GABRA3: variants seen among roughly 807,000 people sequenced by gnomAD.
GABRA3 encodes the protein gamma-aminobutyric acid type A receptor subunit alpha3.
Under a neutral mutation model 30.1 loss-of-function variants are expected in GABRA3, and 10 were observed. The ratio of observed to expected loss-of-function variants is 0.33; its 90% CI spans 0.20 to 0.56. The LOEUF is 0.56. GABRA3 is among the 20% of genes least tolerant of loss of function. The probability of loss-of-function intolerance (pLI) is 0.89; values close to 1 mark genes in which losing one functional copy is unlikely to be tolerated. For synonymous variants in GABRA3, 151 were observed against 146.8 expected, an observed-to-expected ratio of 1.03 and a Z score of -0.21; for missense variants, 233 against 392.0, an observed-to-expected ratio of 0.59 and a Z score of 3.42.
intron 3 of GABRA3, among the ~76,000 whole-genome samples, chrX:152,320,970 T>C (rs1258675861): frequency 8.9e-6 from 1 of 111,765 alleles, no homozygotes; most frequent in Non-Finnish European, 1.9e-5. Context: ...AAAAAACATT[T>C]TTTTCTCTGT....
chrX:152,280,829 G>A (rs1287391878), intron 4 of GABRA3, among the ~76,000 whole-genome samples: 4 of 111,080 alleles, frequency 3.6e-5, no homozygotes, highest in Non-Finnish European at 5.7e-5. Context: ...TGGGGAGAGG[G>A]TGAGGTTAAT....
At chrX:152,296,629 C>G (rs1939532786) in intron 3 of GABRA3, among the ~76,000 whole-genome samples, 1 of 111,165 alleles carries the variant, frequency 9.0e-6, no homozygotes, top group Non-Finnish European at 1.9e-5. Flanking sequence ...CTTGCATATG[C>G]TATTCCCTCT....
chrX:152,199,604 C>T (rs886977097), intron 7 of GABRA3, among the ~76,000 whole-genome samples: 1 of 110,690 alleles, frequency 9.0e-6, no homozygotes, highest in South Asian at 3.9e-4. Flanking sequence ...ATTATAGGAG[C>T]CTTAAGATTC....
intron 1 of GABRA3, among the ~76,000 whole-genome samples, chrX:152,369,891 T>C (rs1928786975): frequency 8.9e-6 from 1 of 111,733 alleles, no homozygotes; most frequent in Admixed American, 9.5e-5. Flanking sequence ...AATGGTATTG[T>C]AACTAAGTCA....
At position 152,364,639 on chromosome X, in the gene GABRA3, T is replaced by C; in HGVS notation, c.-26-43A>G. 5.1e-6 allele frequency: 5 copies of C among 981,910 alleles called. No individual in the cohort carries two copies. The South Asian group carries it at 1.3e-4, about 25-fold the overall frequency. 80.9% of individuals were successfully genotyped at this position (981,910 alleles called of 1,213,427 possible). On this transcript the variant is annotated intron_variant, in intron 1 of 9. Coordinates refer to ENST00000370314, the MANE Select transcript of GABRA3 (RefSeq NM_000808.4). ...TAGATAAGGGATAAGAGGTAGAGAG[T>C]AGAAAACAAAGGGAGAGAGGAGAAA...
At chrX:152,182,642 CA>C (rs1937183676) in intron 9 of GABRA3, among the ~76,000 whole-genome samples, 1 of 63,057 alleles carries the variant, frequency 1.6e-5, no homozygotes, top group Non-Finnish European at 3.1e-5. Context: ...ACTATATATA[CA>C]CTATATATAC....
Position 152,179,474 on chromosome X carries a change from C to T in GABRA3, c.1143+10256G>A, listed in dbSNP as rs1036553999. ...CCAGTCCCCAGTAACCACCATTCTA[C>T]CCTCTGCTTCTGTGAGTTCAATTTT... On this transcript the variant is annotated intron_variant, in intron 9 of 9. Transcript: ENST00000370314. Among the ~76,000 whole-genome samples, 12 of 109,829 alleles carry T rather than the reference C, an allele frequency of 1.1e-4. No homozygotes were observed. The South Asian group carries it at 4.0e-3, about 36-fold the overall frequency.
intron 2 of GABRA3, among the ~76,000 whole-genome samples, chrX:152,346,910 A>C (rs992844923): frequency 8.9e-6 from 1 of 111,834 alleles, no homozygotes; most frequent in African/African-American, 3.2e-5. Context: ...AATTAGTACA[A>C]CCACTATGGA....
chrX:152,245,581 A>G, intron 5 of GABRA3, among the ~76,000 whole-genome samples: 1 of 111,832 alleles, frequency 8.9e-6, no homozygotes, highest in Admixed American at 9.5e-5. Flanking sequence ...TCAGAGGTGT[A>G]GCTCCAACCT....
At chrX:152,447,337 C>G (rs980421960) in intron 1 of GABRA3, among the ~76,000 whole-genome samples, 9 of 111,399 alleles carry the variant, frequency 8.1e-5, no homozygotes, top group Non-Finnish European at 1.5e-4. Flanking sequence ...CTCCAGCAAT[C>G]CCTTCAAAAT....
intron 3 of GABRA3, among the ~76,000 whole-genome samples, chrX:152,317,335 C>T (rs1249536080): frequency 2.7e-5 from 3 of 111,522 alleles, no homozygotes; most frequent in East Asian, 5.6e-4. Flanking sequence ...TACTACTAGA[C>T]CTAAGAAATG....
chrX:152,341,482 T>C (rs1009135794), intron 3 of GABRA3, among the ~76,000 whole-genome samples: 2 of 111,255 alleles, frequency 1.8e-5, no homozygotes, highest in Non-Finnish European at 3.8e-5. Context: ...TGTACTAATT[T>C]ATATGCCCAC....
chrX:152,278,117 CT>C (rs1175370924), intron 4 of GABRA3, among the ~76,000 whole-genome samples: 1 of 111,393 alleles, frequency 9.0e-6, no homozygotes, highest in African/African-American at 3.3e-5. Context: ...ATGAAATAGT[CT>C]TTTTTTTAAA....
intron 2 of GABRA3, among the ~76,000 whole-genome samples, chrX:152,362,370 T>A (rs1928533624): frequency 9.0e-6 from 1 of 111,109 alleles, no homozygotes; most frequent in Non-Finnish European, 1.9e-5. Context: ...AGAAGGGATT[T>A]TAAAGTCTAA....
intron 2 of GABRA3, among the ~76,000 whole-genome samples, chrX:152,348,102 T>C (rs768311974): frequency 1.8e-5 from 2 of 112,247 alleles, no homozygotes; most frequent in East Asian, 5.6e-4. Flanking sequence ...TTTTTTCTCC[T>C]AATGTGCACT....
chrX:152,361,085 C>T (rs1430577302), intron 2 of GABRA3, among the ~76,000 whole-genome samples: 2 of 91,206 alleles, frequency 2.2e-5, no homozygotes, highest in African/African-American at 4.4e-5. Flanking sequence ...AGTAAGACCA[C>T]GTCTTTAAAA....
chrX:152,241,198 G>T (rs1346118969), intron 5 of GABRA3, among the ~76,000 whole-genome samples: 1 of 97,103 alleles, frequency 1.0e-5, no homozygotes, highest in East Asian at 3.2e-4. Context: ...CTTTCTGTTT[G>T]TTAGTTTTCC....
chrX:152,175,490 T>C (rs111312292), intron 9 of GABRA3, among the ~76,000 whole-genome samples: 2,093 of 111,294 alleles, frequency 0.019, 17 homozygotes, highest in Middle Eastern at 0.051. Context: ...CCTAAAGGAG[T>C]TCACATCCCA....
chrX:152,185,530 C>A (rs1171245642), intron 9 of GABRA3, among the ~76,000 whole-genome samples: 1 of 111,277 alleles, frequency 9.0e-6, no homozygotes, highest in African/African-American at 3.3e-5. Context: ...AAAAAAAAAT[C>A]TGTCTCATTT....
Sources: gnomAD v4.1 joint callset for allele counts (sites outside exome capture counted in the v4.1 genomes callset) on GRCh38, gnomAD v4.1.1 for gene constraint, MANE v1.5 for transcripts, NCBI Gene and HGNC (gene_info 2026-07-23, HGNC 2026-07-21) for gene names.